The following SLC2A13 variants were observed in gnomAD, a reference collection of about 807,000 sequenced individuals.
SLC2A13 encodes the protein proton myo-inositol cotransporter.
SLC2A13 carries 32 observed loss-of-function variants against 64.4 expected under a neutral mutation model. The observed-to-expected ratio is 0.50, with a 90% CI of 0.37 to 0.67. SLC2A13 has a LOEUF of 0.67. SLC2A13 is among the 30% of genes least tolerant of loss of function. SLC2A13 has a pLI of 0.00. For synonymous variants in SLC2A13, 338 were observed against 327.1 expected, an observed-to-expected ratio of 1.03 and a Z score of -0.36; for missense variants, 743 against 829.2, an observed-to-expected ratio of 0.90 and a Z score of 1.28.
Position 40,046,699 on chromosome 12 carries a change from C to T in SLC2A13, c.716+1352G>A, listed in dbSNP as rs181431195. Among the ~76,000 whole-genome samples the T allele has an allele frequency of 7.8e-4, 119 of 151,922 alleles. No individual in the cohort carries two copies. The Middle Eastern group carries it at 0.014, about 17-fold the overall frequency. On this transcript the variant is annotated intron_variant, in intron 2 of 9. Coordinates refer to ENST00000280871, the MANE Select transcript of SLC2A13 (RefSeq NM_052885.4). Reference sequence around the variant, plus strand: ...TTAGCAACATCTGCAGACACAACAACCGTTTTTAAAAACTGTGTCCTCCCC... The same window carrying T: ...TTAGCAACATCTGCAGACACAACAATCGTTTTTAAAAACTGTGTCCTCCCC...
At chr12:40,020,370 C>T (rs1947691792) in intron 3 of SLC2A13, among the ~76,000 whole-genome samples, 1 of 152,140 alleles carries the variant, frequency 6.6e-6, no homozygotes, top group Non-Finnish European at 1.5e-5. Context: ...TTCTCACGAG[C>T]TCTGACGGTT....
chr12:39,848,986 A>C (rs1190566644), intron 6 of SLC2A13, among the ~76,000 whole-genome samples: 1 of 152,104 alleles, frequency 6.6e-6, no homozygotes, highest in South Asian at 2.1e-4. Flanking sequence ...ACTTATGAAC[A>C]CAAAGAAGGA....
At chr12:39,901,894 T>A (rs566249637) in intron 4 of SLC2A13, among the ~76,000 whole-genome samples, 1 of 151,702 alleles carries the variant, frequency 6.6e-6, no homozygotes, top group East Asian at 1.9e-4. Flanking sequence ...CATGCACACG[T>A]ATGTTTATTG....
chr12:39,937,135 A>G (rs1039541556), intron 4 of SLC2A13, among the ~76,000 whole-genome samples: 4 of 152,224 alleles, frequency 2.6e-5, no homozygotes, highest in African/African-American at 9.6e-5. Flanking sequence ...TAGTGAACTC[A>G]TAGAGAAGAA....
At chr12:39,833,944 C>G (rs1016630363) in intron 6 of SLC2A13, among the ~76,000 whole-genome samples, 1 of 150,804 alleles carries the variant, frequency 6.6e-6, no homozygotes, top group Admixed American at 6.6e-5. Context: ...GAAAGTAGGT[C>G]GTAAGACCCT....
In SLC2A13 at chr12:40,093,736, T is replaced by A. The variant is rs934052961; in HGVS notation, c.556+11517A>T. Among the ~76,000 whole-genome samples the A allele has an allele frequency of 1.8e-4, 27 of 152,028 alleles. 1 individual carries two copies. On this transcript the variant is annotated intron_variant, in intron 1 of 9. Transcript: ENST00000280871. ...GCCCATAAAAAGGCCTGGAAGGATG[T>A]CTATTGTGTTCCTAGAGGCGGGGTC...
At chr12:39,961,235 G>A (rs1246404082) in intron 3 of SLC2A13, among the ~76,000 whole-genome samples, 5 of 151,262 alleles carry the variant, frequency 3.3e-5, no homozygotes, top group African/African-American at 7.3e-5. Context: ...ACGCCACCAC[G>A]CCCAGCTTAT....
intron 3 of SLC2A13, among the ~76,000 whole-genome samples, chr12:39,958,540 C>T (rs768953119): frequency 1.3e-5 from 2 of 152,148 alleles, no homozygotes; most frequent in African/African-American, 2.4e-5. Context: ...GAATCCAATC[C>T]ATCCCGCCTC....
intron 4 of SLC2A13, among the ~76,000 whole-genome samples, chr12:39,896,318 A>G (rs1471837684): frequency 2.7e-4 from 34 of 124,766 alleles, no homozygotes; most frequent in African/African-American, 1.1e-3. Flanking sequence ...ACATATATGT[A>G]TGTATATGTG....
chr12:40,100,558 C>G (rs1470721754), intron 1 of SLC2A13, among the ~76,000 whole-genome samples: 1 of 152,160 alleles, frequency 6.6e-6, no homozygotes, highest in Non-Finnish European at 1.5e-5. Flanking sequence ...TGAGCAAACT[C>G]ATATTCTTCA....
At chr12:40,004,143 T>C (rs1265072531) in intron 3 of SLC2A13, among the ~76,000 whole-genome samples, 33 of 152,178 alleles carry the variant, frequency 2.2e-4, no homozygotes, top group Non-Finnish European at 4.3e-4. Flanking sequence ...ATTTCAAGTA[T>C]ATGGGAAGAT....
chr12:39,985,446 CTA>C (rs1239616026), intron 3 of SLC2A13, among the ~76,000 whole-genome samples: 1 of 151,824 alleles, frequency 6.6e-6, no homozygotes, highest in African/African-American at 2.4e-5. Context: ...AAGGAACTGA[CTA>C]AAATGATTTA....
At chr12:39,896,785 A>G (rs1193281848) in intron 4 of SLC2A13, among the ~76,000 whole-genome samples, 1 of 152,126 alleles carries the variant, frequency 6.6e-6, no homozygotes, top group Admixed American at 6.5e-5. Flanking sequence ...AGGTTATAAA[A>G]GTTGCATATA....
intron 9 of SLC2A13, among the ~76,000 whole-genome samples, chr12:39,763,701 T>G (rs558391576): frequency 6.6e-6 from 1 of 152,146 alleles, no homozygotes; most frequent in Non-Finnish European, 1.5e-5. Context: ...CATGGACTTA[T>G]GAGGATATTA....
rs562509408 is a variant in SLC2A13, at chr12:39,782,339, G to A, written c.1446-17481C>T. Reference sequence around the variant, plus strand: ...ACCCAGGGGGAGCTAATTGAATCATGGGGGCGGCCGGTCTTTTCTATGCTA... The same window carrying A: ...ACCCAGGGGGAGCTAATTGAATCATAGGGGCGGCCGGTCTTTTCTATGCTA... On this transcript the variant is annotated intron_variant, in intron 7 of 9. Coordinates refer to ENST00000280871, the MANE Select transcript of SLC2A13 (RefSeq NM_052885.4). Among the ~76,000 whole-genome samples, 137 of 152,188 alleles carry A rather than the reference G, an allele frequency of 9.0e-4. No individual in the cohort carries two copies. In the South Asian group the frequency reaches 0.027, roughly 30 times the overall value.
intron 4 of SLC2A13, among the ~76,000 whole-genome samples, chr12:39,904,070 A>G (rs556625604): frequency 3.1e-4 from 47 of 152,146 alleles, no homozygotes; most frequent in Non-Finnish European, 3.5e-4. Flanking sequence ...GGAAAAGAAC[A>G]CAGAGCAAAG....
At chr12:39,824,403 G>C (rs1429343823) in intron 7 of SLC2A13, among the ~76,000 whole-genome samples, 1 of 152,186 alleles carries the variant, frequency 6.6e-6, no homozygotes, top group Non-Finnish European at 1.5e-5. Context: ...GATTCAATCA[G>C]GGGTCAGATG....
intron 1 of SLC2A13, among the ~76,000 whole-genome samples, chr12:40,088,274 A>G (rs1191189815): frequency 6.6e-6 from 1 of 152,210 alleles, no homozygotes; most frequent in East Asian, 1.9e-4. Flanking sequence ...CTCAACATCT[A>G]AACTGAAAAA....
intron 4 of SLC2A13, among the ~76,000 whole-genome samples, chr12:39,899,785 G>A: frequency 6.6e-6 from 1 of 152,078 alleles, no homozygotes; most frequent in South Asian, 2.1e-4. Flanking sequence ...ATGTAGTTGA[G>A]CAGTTTTGAG....
Sources: allele counts gnomAD v4.1 joint callset (sites outside exome capture counted in the v4.1 genomes callset), GRCh38; gene constraint gnomAD v4.1.1; transcripts MANE v1.5; gene names NCBI Gene and HGNC (gene_info 2026-07-23, HGNC 2026-07-21).